COPG2: variants seen among roughly 807,000 people sequenced by gnomAD.
COPG2 encodes the protein coat protein complex I subunit gamma 2.
In COPG2, 37 loss-of-function variants were observed where a neutral mutation model predicts 46.3. The observed-to-expected ratio is 0.80, with a 90% CI of 0.61 to 1.05. The LOEUF (loss-of-function observed/expected upper bound fraction) is 1.05, where lower values mean the gene tolerates loss of function less well. Among genes scored for constraint, COPG2 ranks in the 50% least tolerant of loss-of-function variants. COPG2 has a pLI of 0.00. For synonymous variants in COPG2, 159 were observed against 129.7 expected (o/e 1.23, Z -1.53); for missense variants, 427 against 387.8 (o/e 1.10, Z -0.85).
intron 5 of COPG2, among the ~76,000 whole-genome samples, chr7:130,628,284 A>T (rs150471829): frequency 6.6e-6 from 1 of 152,048 alleles, no homozygotes; most frequent in East Asian, 1.9e-4. Flanking sequence ...TTAACTGAAC[A>T]CTTTTTTCCT....
In COPG2 at chr7:130,668,688, C is replaced by G; in HGVS notation, c.-20G>C. 6.5e-7 allele frequency: 1 copy of G among 1,527,184 alleles called. No individual in the cohort carries two copies. The highest frequency in any genetic ancestry group is 8.8e-7 in the Non-Finnish European group (1 of 1,138,318). The allele number at this position is 1,527,184 out of a possible 1,614,324, so 94.6% of individuals were successfully genotyped here. A position where few individuals can be genotyped will look rare whatever the true frequency, so the allele number is the denominator to read the frequency against. On this transcript the variant is annotated 5_prime_UTR_variant, in exon 1 of 24. Coordinates refer to ENST00000425248, the MANE Select transcript of COPG2 (RefSeq NM_012133.6). ...AATCATCTTGGACGACTTCCCAGCG[C>G]CCAGACCCACCGCAACCGTCCCAGG...
At chr7:130,620,482 T>C (rs1795020504) in intron 5 of COPG2, among the ~76,000 whole-genome samples, 2 of 152,224 alleles carry the variant, frequency 1.3e-5, no homozygotes, top group South Asian at 4.1e-4. Context: ...TCCCAACCCT[T>C]GAAACCTAAA....
At position 130,668,688 on chromosome 7, in the gene COPG2, C is replaced by A. The variant is rs1554462096; in HGVS notation, c.-20G>T. ...AATCATCTTGGACGACTTCCCAGCG[C>A]CCAGACCCACCGCAACCGTCCCAGG... On this transcript the variant is annotated 5_prime_UTR_variant, in exon 1 of 24. Coordinates refer to ENST00000425248, the MANE Select transcript of COPG2 (RefSeq NM_012133.6). The A allele has an allele frequency of 2.6e-6, 4 of 1,527,184 alleles. No individual in the cohort carries two copies. The highest frequency in any genetic ancestry group is 2.0e-5 in the Admixed American group (1 of 49,026). 94.6% of individuals were successfully genotyped at this position (1,527,184 alleles called of 1,614,324 possible). A position where few individuals can be genotyped will look rare whatever the true frequency, so the allele number is the denominator to read the frequency against.
intron 20 of COPG2, among the ~76,000 whole-genome samples, chr7:130,533,777 TA>T (rs1276692731): frequency 6.6e-6 from 1 of 152,120 alleles, no homozygotes. Context: ...GAACATGGAC[TA>T]GATGCTGAAG....
chr7:130,515,488 C>G (rs1799671263), intron 20 of COPG2, among the ~76,000 whole-genome samples: 1 of 152,188 alleles, frequency 6.6e-6, no homozygotes, highest in Non-Finnish European at 1.5e-5. Flanking sequence ...CTGGGGATGA[C>G]AGTTCGACAT....
chr7:130,639,310 T>C (rs1795415807), intron 5 of COPG2, among the ~76,000 whole-genome samples: 1 of 152,234 alleles, frequency 6.6e-6, no homozygotes. Context: ...TTCCATTGAT[T>C]TCAAGAGTGT....
chr7:130,596,393 C>T (rs1444341401), intron 9 of COPG2, among the ~76,000 whole-genome samples: 1 of 152,154 alleles, frequency 6.6e-6, no homozygotes, highest in Non-Finnish European at 1.5e-5. Context: ...TTAAGGGGGC[C>T]CTTCAAGGTG....
At chr7:130,619,108 A>G (rs1254736725) in intron 5 of COPG2, among the ~76,000 whole-genome samples, 1 of 152,114 alleles carries the variant, frequency 6.6e-6, no homozygotes, top group Non-Finnish European at 1.5e-5. Context: ...CTCTATTTTT[A>G]GTACTTTCTT....
chr7:130,553,667 T>C (rs1793570228), intron 14 of COPG2, among the ~76,000 whole-genome samples: 1 of 152,200 alleles, frequency 6.6e-6, no homozygotes. Context: ...CACAGCCTAT[T>C]AGCAGAGCTC....
chr7:130,668,706 G>C lies in COPG2; in HGVS notation c.-38C>G, dbSNP rs782671602. ...CCCAGCGCCCAGACCCACCGCAACC[G>C]TCCCAGGCGCCGCAGCCGGCGAGCG... On this transcript the variant is annotated 5_prime_UTR_variant, in exon 1 of 24. Coordinates refer to ENST00000425248, the MANE Select transcript of COPG2 (RefSeq NM_012133.6). The C allele has an allele frequency of 2.6e-6, 4 of 1,514,124 alleles. No individual in the cohort carries two copies. The highest frequency in any genetic ancestry group is 2.8e-5 in the East Asian group (1 of 35,160). The allele number at this position is 1,514,124 out of a possible 1,614,324, so 93.8% of individuals were successfully genotyped here. A position where few individuals can be genotyped will look rare whatever the true frequency, so the allele number is the denominator to read the frequency against.
chr7:130,639,022 C>T (rs749519978), intron 5 of COPG2, among the ~76,000 whole-genome samples: 9 of 152,292 alleles, frequency 5.9e-5, no homozygotes, highest in Admixed American at 3.3e-4. Context: ...TGAGGCAATG[C>T]CCCATCCTGC....
chr7:130,544,137 G>A (rs2116375518), intron 20 of COPG2, among the ~76,000 whole-genome samples: 1 of 152,248 alleles, frequency 6.6e-6, no homozygotes, highest in East Asian at 1.9e-4. Context: ...TTAAATGCTT[G>A]GCTTAGAAGA....
chr7:130,593,022 G>A (rs986986481), intron 9 of COPG2, among the ~76,000 whole-genome samples: 1 of 152,234 alleles, frequency 6.6e-6, no homozygotes, highest in Admixed American at 6.5e-5. Flanking sequence ...GGGGACAAGT[G>A]CATCTGGTAT....
chr7:130,659,584 T>C (rs782182496), intron 4 of COPG2, among the ~76,000 whole-genome samples: 73 of 152,062 alleles, frequency 4.8e-4, no homozygotes, highest in African/African-American at 6.8e-4. Context: ...TAGAAGTACA[T>C]GTAACAAGCC....
At chr7:130,648,945 T>C (rs1795675954) in intron 5 of COPG2, among the ~76,000 whole-genome samples, 1 of 152,192 alleles carries the variant, frequency 6.6e-6, no homozygotes, top group Non-Finnish European at 1.5e-5. Flanking sequence ...AAGAGGAATT[T>C]TGCCTCCTCT....
chr7:130,595,289 T>C (rs1794506432), intron 9 of COPG2, among the ~76,000 whole-genome samples: 2 of 152,182 alleles, frequency 1.3e-5, no homozygotes, highest in Admixed American at 6.5e-5. Flanking sequence ...ATTCCATTTA[T>C]ATGAGATGTC....
chr7:130,607,278 TAAATA>T (rs1236561483), intron 9 of COPG2, among the ~76,000 whole-genome samples: 1 of 142,050 alleles, frequency 7.0e-6, no homozygotes, highest in Non-Finnish European at 1.6e-5. Context: ...AATAAATAAA[TAAATA>T]AAGTCATGGA....
At chr7:130,585,942 A>G (rs1794257305) in intron 9 of COPG2, among the ~76,000 whole-genome samples, 2 of 152,158 alleles carry the variant, frequency 1.3e-5, no homozygotes, top group Admixed American at 1.3e-4. Context: ...TAGAACTACC[A>G]TTTGATCCAG....
At chr7:130,621,148 G>A (rs1318729823) in intron 5 of COPG2, among the ~76,000 whole-genome samples, 1 of 152,198 alleles carries the variant, frequency 6.6e-6, no homozygotes, top group Admixed American at 6.5e-5. Context: ...AGGATTCGAG[G>A]AATGCAAGTA....
Sources: gnomAD v4.1 joint callset for allele counts (sites outside exome capture counted in the v4.1 genomes callset) on GRCh38, gnomAD v4.1.1 for gene constraint, MANE v1.5 for transcripts, NCBI Gene and HGNC (gene_info 2026-07-23, HGNC 2026-07-21) for gene names.